Variants in PRKCI observed in about 807,000 individuals in gnomAD.
PRKCI encodes the protein protein kinase C iota type.
A neutral mutation model predicts 84.0 loss-of-function variants in PRKCI; 43 were observed. That is an observed-to-expected ratio of 0.51 (90% CI 0.40 to 0.66). The LOEUF (loss-of-function observed/expected upper bound fraction) is 0.66. Among genes scored for constraint, PRKCI ranks in the 30% least tolerant of loss-of-function variants. The probability of loss-of-function intolerance (pLI) is 0.00; values close to 1 mark genes in which losing one functional copy is unlikely to be tolerated. For missense variants in PRKCI, 459 were observed against 745.6 expected, an observed-to-expected ratio of 0.62 and a Z score of 4.48; for synonymous variants, 216 against 234.4, an observed-to-expected ratio of 0.92 and a Z score of 0.72.
At chr3:170,297,094 T>TC (rs1190355369) in intron 15 of PRKCI, among the ~76,000 whole-genome samples, 4 of 152,210 alleles carry the variant, frequency 2.6e-5, no homozygotes, top group Non-Finnish European at 4.4e-5. Context: ...TCTGTTTTAA[T>TC]TACATGATGG....
chr3:170,240,706 C>T (rs923252657), intron 2 of PRKCI, among the ~76,000 whole-genome samples: 1 of 152,170 alleles, frequency 6.6e-6, no homozygotes, highest in African/African-American at 2.4e-5. Flanking sequence ...AGGACAGTCA[C>T]TTGATTTCTC....
In PRKCI at chr3:170,281,878, T is replaced by G; in HGVS notation, c.981-4T>G. 1 of 1,587,708 alleles carries G rather than the reference T, an allele frequency of 6.3e-7. No individual in the cohort carries two copies. The highest frequency in any genetic ancestry group is 8.6e-7 in the Non-Finnish European group (1 of 1,169,520). Reference sequence around the variant, plus strand: ...GATTTCATGGGTTCTCTCCTGTGTTTTAGATTGTTCTTTGTTATAGAGTAT... The same window carrying G: ...GATTTCATGGGTTCTCTCCTGTGTTGTAGATTGTTCTTTGTTATAGAGTAT... On this transcript the variant is annotated splice_region_variant and splice_polypyrimidine_tract_variant and intron_variant, in intron 10 of 17. Transcript: ENST00000295797.
intron 4 of PRKCI, among the ~76,000 whole-genome samples, chr3:170,263,661 A>ATGGTG (rs1296765444): frequency 5.3e-5 from 8 of 152,072 alleles, no homozygotes; most frequent in Middle Eastern, 3.4e-3. Context: ...AAAAATTAGC[A>ATGGTG]TGGTGTGTGC....
chr3:170,237,318 G>T (rs1733004365), intron 2 of PRKCI, among the ~76,000 whole-genome samples: 1 of 152,136 alleles, frequency 6.6e-6, no homozygotes, highest in African/African-American at 2.4e-5. Context: ...CAAGAGCTTT[G>T]CAGATCACAT....
At chr3:170,285,793 G>A (rs1734369001) in intron 12 of PRKCI, among the ~76,000 whole-genome samples, 1 of 150,468 alleles carries the variant, frequency 6.6e-6, no homozygotes, top group Non-Finnish European at 1.5e-5. Flanking sequence ...CGTCCAGGCT[G>A]GAGTGCAATG....
chr3:170,249,138 G>A (rs1008566889), intron 2 of PRKCI, among the ~76,000 whole-genome samples: 2 of 151,910 alleles, frequency 1.3e-5, no homozygotes, highest in African/African-American at 2.4e-5. Context: ...ATGAGCTACC[G>A]CGCCCGGCCA....
chr3:170,257,101 T>C (rs1733602061), intron 2 of PRKCI, among the ~76,000 whole-genome samples: 1 of 152,292 alleles, frequency 6.6e-6, no homozygotes, highest in South Asian at 2.1e-4. Context: ...TCTAGAGTTA[T>C]AGAGATTTTC....
intron 7 of PRKCI, 29 bp from the exon 8 acceptor site, chr3:170,275,200 T>C: frequency 6.6e-7 from 1 of 1,506,948 alleles, no homozygotes; most frequent in East Asian, 2.3e-5. Flanking sequence ...TTTTTTTTTT[T>C]TTTTTAATGT....
At chr3:170,229,336 C>G (rs1231665430) in intron 1 of PRKCI, among the ~76,000 whole-genome samples, 2 of 152,130 alleles carry the variant, frequency 1.3e-5, no homozygotes, top group African/African-American at 4.8e-5. Flanking sequence ...TTTTAAGAGA[C>G]AGAGTCTGAT....
At chr3:170,224,647 C>G (rs1457425996) in intron 1 of PRKCI, among the ~76,000 whole-genome samples, 3 of 152,162 alleles carry the variant, frequency 2.0e-5, no homozygotes, top group African/African-American at 7.2e-5. Flanking sequence ...CCTCAGCCTT[C>G]TGAGTAGCTG....
chr3:170,288,614 T>G (rs1256672434), intron 12 of PRKCI, among the ~76,000 whole-genome samples: 1 of 152,116 alleles, frequency 6.6e-6, no homozygotes, highest in African/African-American at 2.4e-5. Flanking sequence ...CCAGGTGTGG[T>G]GGCGAGTGCC....
Position 170,303,256 on chromosome 3 carries a change from G to A in PRKCI, c.*129G>A, listed in dbSNP as rs1271215689. The A allele has an allele frequency of 9.0e-6, 5 of 555,376 alleles. No individual in the cohort carries two copies. Among genetic ancestry groups the A allele is most frequent in the African/African-American group, 2.0e-5 (1 of 51,154 alleles). The allele number at this position is 555,376 out of a possible 1,614,324, so 34.4% of individuals were successfully genotyped here. A position where few individuals can be genotyped will look rare whatever the true frequency, so the allele number is the denominator to read the frequency against. ...AAAAAAACACCCAATATCTTCTCTT[G>A]TAGACTATATGAATCAATTATTACA... On this transcript the variant is annotated 3_prime_UTR_variant, in exon 18 of 18. Coordinates refer to ENST00000295797, the MANE Select transcript of PRKCI (RefSeq NM_002740.6).
chr3:170,250,444 CAA>C (rs201210886), intron 2 of PRKCI, among the ~76,000 whole-genome samples: 1,211 of 68,852 alleles, frequency 0.018, 18 homozygotes, highest in East Asian at 0.087. Flanking sequence ...CCCCCCCCCC[CAA>C]AAAAAAATCT....
chr3:170,234,146 C>T (rs1362790298), intron 1 of PRKCI, among the ~76,000 whole-genome samples: 1 of 149,352 alleles, frequency 6.7e-6, no homozygotes. Context: ...ATTCTTCTGC[C>T]CCAGCCTCCT....
rs749515435 is a variant in PRKCI at position 170,293,417 on chromosome 3, C to G, written c.1326C>G (p.Leu442=). 1 of 1,613,390 alleles carries G rather than the reference C, an allele frequency of 6.2e-7. No individual in the cohort carries two copies. The highest frequency in any genetic ancestry group is 8.5e-7 in the Non-Finnish European group (1 of 1,179,632). Reference sequence around the variant, plus strand: ...TTGACTGGTGGGCTCTTGGAGTGCTCATGTTTGAGATGATGGCAGGAAGGT... The same window carrying G: ...TTGACTGGTGGGCTCTTGGAGTGCTGATGTTTGAGATGATGGCAGGAAGGT... The part of the protein sequence containing the change: ...FSVDWWALGV[L]MFEMMAGRSP... The change falls in exon 14 of 18, where the codon CTC becomes CTG. Residue 442 remains leucine, a synonymous_variant. Transcript: ENST00000295797.
chr3:170,282,731 A>G (rs1007448826), intron 11 of PRKCI, among the ~76,000 whole-genome samples: 3 of 150,482 alleles, frequency 2.0e-5, no homozygotes, highest in Admixed American at 1.3e-4. Context: ...TTAAACTAGT[A>G]TATACTTCTG....
chr3:170,274,612 G>C (rs1734072343), intron 7 of PRKCI, among the ~76,000 whole-genome samples: 1 of 152,158 alleles, frequency 6.6e-6, no homozygotes, highest in East Asian at 1.9e-4. Context: ...AGAACAGCAT[G>C]ATCTTCTCTG....
At chr3:170,247,712 A>G (rs889159344) in intron 2 of PRKCI, among the ~76,000 whole-genome samples, 3 of 147,924 alleles carry the variant, frequency 2.0e-5, no homozygotes, top group African/African-American at 7.5e-5. Context: ...CCTGGGCAAC[A>G]AGAGCAAAAC....
intron 11 of PRKCI, among the ~76,000 whole-genome samples, chr3:170,282,622 G>T (rs777400605): frequency 6.6e-6 from 1 of 151,400 alleles, no homozygotes; most frequent in African/African-American, 2.4e-5. Flanking sequence ...GTCTGAACCC[G>T]GAAGGCGGAG....
Sources: gnomAD v4.1 joint callset for allele counts (sites outside exome capture counted in the v4.1 genomes callset) on GRCh38, gnomAD v4.1.1 for gene constraint, MANE v1.5 for transcripts, NCBI Gene and HGNC (gene_info 2026-07-23, HGNC 2026-07-21) for gene names.